Variants in ABCC9 observed in about 807,000 individuals in gnomAD.
The protein encoded by ABCC9 is ATP-binding cassette sub-family C member 9.
In ABCC9, 95 loss-of-function variants were observed where a neutral mutation model predicts 188.3. The ratio of observed to expected loss-of-function variants is 0.50; its 90% CI spans 0.43 to 0.60. The LOEUF (loss-of-function observed/expected upper bound fraction) is 0.60, where lower values mean the gene tolerates loss of function less well. Ranked by LOEUF, ABCC9 falls within the 20% of genes least tolerant of loss-of-function variation. The probability of loss-of-function intolerance (pLI) is 0.00; values close to 1 mark genes in which losing one functional copy is unlikely to be tolerated. For missense variants in ABCC9, 1,102 were observed against 1,876.3 expected, an observed-to-expected ratio of 0.59 and a Z score of 7.62; for synonymous variants, 659 against 652.7, an observed-to-expected ratio of 1.01 and a Z score of -0.15.
intron 29 of ABCC9, among the ~76,000 whole-genome samples, chr12:21,841,570 G>T (rs1944398090): frequency 6.6e-6 from 1 of 151,532 alleles, no homozygotes; most frequent in East Asian, 1.9e-4. Context: ...TGTTGGTCAG[G>T]CTGGTCTCGA....
Position 21,842,544 on chromosome 12 carries a change from A to G in ABCC9, c.3316-73T>C. The G allele has an allele frequency of 2.7e-6, 4 of 1,478,854 alleles. No individual in the cohort carries two copies. In the South Asian group the frequency reaches 3.4e-5, roughly 13 times the overall value. 91.6% of individuals were successfully genotyped at this position (1,478,854 alleles called of 1,614,324 possible). On this transcript the variant is annotated intron_variant, in intron 28 of 39. Coordinates refer to ENST00000261200, the MANE Select transcript of ABCC9 (RefSeq NM_020297.4). Reference sequence around the variant, plus strand: ...TGGCTGCAATGTAACAAAAATACCTATTTTTATGTTGATAGTTACACAGTT... The same window carrying G: ...TGGCTGCAATGTAACAAAAATACCTGTTTTTATGTTGATAGTTACACAGTT...
intron 5 of ABCC9, among the ~76,000 whole-genome samples, chr12:21,918,967 G>T (rs1426063387): frequency 6.6e-6 from 1 of 151,990 alleles, no homozygotes; most frequent in Admixed American, 6.6e-5. Flanking sequence ...TGTTAAAGAA[G>T]AAATCACTAA....
intron 34 of ABCC9, 96 bp from the exon 35 acceptor site, chr12:21,814,818 A>T (rs1209326317): frequency 1.1e-6 from 1 of 925,578 alleles, no homozygotes; most frequent in Non-Finnish European, 1.8e-6. Flanking sequence ...TTATGATAAA[A>T]CTGTAATTAT....
intron 31 of ABCC9, among the ~76,000 whole-genome samples, chr12:21,823,368 T>C (rs980693001): frequency 1.3e-5 from 2 of 152,234 alleles, no homozygotes; most frequent in African/African-American, 4.8e-5. Flanking sequence ...CCCAAAAGTA[T>C]GTGATCCCTC....
rs1028490604 is a variant in ABCC9, at chr12:21,799,983, T to G, written c.*1061A>C. On this transcript the variant is annotated 3_prime_UTR_variant, in exon 40 of 40. Transcript: ENST00000261200. ...ATATTTTTTGTATGCACATTAAAAT[T>G]AGAGCAGGAGCAAATGATCATGTGT... is the stretch of plus-strand genomic sequence containing the variant. 2 of 152,226 alleles carry G rather than the reference T, an allele frequency of 1.3e-5. No individual in the cohort carries two copies. The highest frequency in any genetic ancestry group is 1.3e-4 in the Admixed American group (2 of 15,276). 9.4% of individuals were successfully genotyped at this position (152,226 alleles called of 1,614,324 possible). A position where few individuals can be genotyped will look rare whatever the true frequency, so the allele number is the denominator to read the frequency against.
intron 36 of ABCC9, among the ~76,000 whole-genome samples, chr12:21,810,990 G>C (rs1004744260): frequency 6.6e-6 from 1 of 152,080 alleles, no homozygotes; most frequent in Non-Finnish European, 1.5e-5. Flanking sequence ...TGATCTGGGG[G>C]ATGATGCTGA....
At chr12:21,911,185 A>C (rs1948308201) in intron 8 of ABCC9, among the ~76,000 whole-genome samples, 1 of 152,012 alleles carries the variant, frequency 6.6e-6, no homozygotes. Flanking sequence ...TTGAAGAAAA[A>C]AAAGGTAGAA....
chr12:21,881,150 G>C (rs1946596692), intron 16 of ABCC9, among the ~76,000 whole-genome samples: 1 of 152,084 alleles, frequency 6.6e-6, no homozygotes, highest in South Asian at 2.1e-4. Context: ...AATTGCCACA[G>C]GGTGGCAATT....
rs1169957880 is a variant in ABCC9, at chr12:21,870,551, G to A, written c.2198+2074C>T. ...GGGATTATAGGCATAAACCACAGCT[G>A]GGCAGATTTCTTTCACAGCTCTCTC... On this transcript the variant is annotated intron_variant, in intron 18 of 39. Transcript: ENST00000261200. Among the ~76,000 whole-genome samples the A allele has an allele frequency of 2.6e-5, 4 of 152,178 alleles. No individual in the cohort carries two copies. In the East Asian group the frequency reaches 5.8e-4, roughly 22 times the overall value.
intron 11 of ABCC9, among the ~76,000 whole-genome samples, 189 bp downstream of exon 11, chr12:21,907,888 T>G (rs909492273): frequency 6.6e-6 from 1 of 152,022 alleles, no homozygotes; most frequent in Non-Finnish European, 1.5e-5. Flanking sequence ...ATCATCAAGT[T>G]TTAAATTTCC....
At chr12:21,928,315 G>GGAAA (rs1949124962) in intron 4 of ABCC9, among the ~76,000 whole-genome samples, 1 of 728 alleles carries the variant, frequency 1.4e-3, no homozygotes, top group Non-Finnish European at 4.3e-3. Context: ...AGGGTGGGAG[G>GGAAA]GAAGGAAGGA....
In ABCC9 at chr12:21,848,154, G is replaced by GTCT; in HGVS notation, c.2859_2861dup (p.Glu953dup). On this transcript the variant is annotated inframe_insertion, in exon 25 of 40. Transcript: ENST00000261200. ...GATAAAAGAAAAAAGATCTACCTTC[G>GTCT]TCTTCGTCCTCCATCTGGGCTTTGG... The GTCT allele has an allele frequency of 6.2e-7, 1 of 1,613,092 alleles. No homozygotes were observed. Among genetic ancestry groups the GTCT allele is most frequent in the South Asian group, 1.1e-5 (1 of 91,058 alleles).
At chr12:21,878,004 A>G (rs1022628626) in intron 16 of ABCC9, among the ~76,000 whole-genome samples, 10 of 9,724 alleles carry the variant, frequency 1.0e-3, no homozygotes, top group Admixed American at 1.5e-3. Flanking sequence ...GAAGGTTTCA[A>G]TGGTGTTAAA....
At chr12:21,828,320 A>G (rs1943512344) in intron 31 of ABCC9, 1 of 155,854 alleles carries the variant, frequency 6.4e-6, no homozygotes, top group African/African-American at 2.4e-5. Context: ...CATGCATTCG[A>G]AAGACATTTC....
At chr12:21,935,897 T>A (rs981987669) in intron 3 of ABCC9, among the ~76,000 whole-genome samples, 1 of 152,154 alleles carries the variant, frequency 6.6e-6, no homozygotes, top group Non-Finnish European at 1.5e-5. Flanking sequence ...TATCAGATTT[T>A]ATACATATGT....
chr12:21,915,225 A>ATATGTG (rs1393960478), intron 7 of ABCC9, among the ~76,000 whole-genome samples: 59 of 129,158 alleles, frequency 4.6e-4, no homozygotes, highest in Non-Finnish European at 5.5e-4. Context: ...TTATATATAT[A>ATATGTG]TGTGTGTGTG....
Position 21,926,039 on chromosome 12 carries a change from G to A in ABCC9, c.309C>T (p.His103=), listed in dbSNP as rs2138000179. 1 of 1,614,102 alleles carries A rather than the reference G, an allele frequency of 6.2e-7. No homozygotes were observed. The highest frequency in any genetic ancestry group is 8.5e-7 in the Non-Finnish European group (1 of 1,179,994). ...SDSRRESRHL[H]LFMPAVMGFV... Reference sequence around the variant, plus strand: ...ATCCCATCACGGCTGGCATAAAGAGGTGGAGGTGCCTTGATTCCCGCCGCC... The same window carrying A: ...ATCCCATCACGGCTGGCATAAAGAGATGGAGGTGCCTTGATTCCCGCCGCC... Residue 103 remains histidine (H), a synonymous_variant, in exon 5 of 40, where the codon CAC becomes CAT. Transcript: ENST00000261200.
At position 21,818,249 on chromosome 12, in the gene ABCC9, A is replaced by G. The variant is rs1942788647; in HGVS notation, c.3672T>C (p.Asp1224=). The change falls in exon 32 of 40, where the codon GAT becomes GAC. Residue 1224 remains aspartate (D), a splice_region_variant and synonymous_variant. Coordinates refer to ENST00000261200, the MANE Select transcript of ABCC9 (RefSeq NM_020297.4). ...TGAGGACAATGCAAGCTCCCAGATA[A>G]TCCTTTGAAAAAGCAAGAGAAAATG... The part of the protein sequence containing the change: ...AANRWLEVRT[D]YLGACIVLTA... The G allele has an allele frequency of 6.2e-7, 1 of 1,613,128 alleles. No homozygotes were observed. The highest frequency in any genetic ancestry group is 1.3e-5 in the African/African-American group (1 of 74,870).
chr12:21,925,389 CG>C, intron 5 of ABCC9: 1 of 602,260 alleles, frequency 1.7e-6, no homozygotes, highest in Non-Finnish European at 3.1e-6. Flanking sequence ...TGCGAAAGGC[CG>C]TGATGTAATG....
Sources: allele counts gnomAD v4.1 joint callset (sites outside exome capture counted in the v4.1 genomes callset), GRCh38; gene constraint gnomAD v4.1.1; transcripts MANE v1.5; gene names NCBI Gene and HGNC (gene_info 2026-07-23, HGNC 2026-07-21).